EPHA7: variants seen among roughly 807,000 people sequenced by gnomAD.
EPHA7 encodes EPH receptor A7.
A neutral mutation model predicts 112.6 loss-of-function variants in EPHA7; 25 were observed. The ratio of observed to expected loss-of-function variants is 0.22; its 90% CI spans 0.16 to 0.31. EPHA7 has a LOEUF of 0.31. Ranked by LOEUF, EPHA7 falls within the 10% of genes least tolerant of loss-of-function variation. EPHA7 has a pLI of 1.00. For synonymous variants in EPHA7, 437 were observed against 406.5 expected, an observed-to-expected ratio of 1.07 and a Z score of -0.90; for missense variants, 962 against 1,212.6, an observed-to-expected ratio of 0.79 and a Z score of 3.07.
intron 5 of EPHA7, among the ~76,000 whole-genome samples, chr6:93,290,384 A>C (rs2127835218): frequency 6.6e-6 from 1 of 152,264 alleles, no homozygotes; most frequent in African/African-American, 2.4e-5. Flanking sequence ...ATATTCTCTA[A>C]AAATGAATTC....
intron 5 of EPHA7, among the ~76,000 whole-genome samples, chr6:93,346,362 G>C (rs1035286590): frequency 1.3e-5 from 2 of 151,658 alleles, no homozygotes; most frequent in African/African-American, 4.8e-5. Flanking sequence ...ATAACACTTA[G>C]AGAAATGGGC....
In EPHA7 at chr6:93,269,581, A is replaced by T. The variant is rs778224828; in HGVS notation, c.1529T>A (p.Val510Glu). ...ASINNLKPGT[V>E]YVFQIRAFTA... ...AAAAGCCCGAATCTGGAAAACATAC[A>T]CTGTTCCTGGTTTCAGATTATTAAT... The change falls in exon 7 of 17, where the codon GTG becomes GAG. Residue 510 changes from valine (V) to glutamate (E), a missense_variant. Around this residue, in one of 3 missense-constraint regions of EPHA7, gnomAD observed 746 missense variants for 889.2 expected, o/e 0.84. Transcript: ENST00000369303. The T allele has an allele frequency of 6.2e-7, 1 of 1,607,204 alleles. No homozygotes were observed. The highest frequency in any genetic ancestry group is 8.5e-7 in the Non-Finnish European group (1 of 1,176,560).
rs1582681413 is a variant in EPHA7 at position 93,405,671 on chromosome 6, G to A, written c.832+4830C>T. Reference sequence around the variant, plus strand: ...TTTATACTTAAGGAAATTAAGGTTTGGAGAGATTGTCCTACTTTATGCACC... The same window carrying A: ...TTTATACTTAAGGAAATTAAGGTTTAGAGAGATTGTCCTACTTTATGCACC... On this transcript the variant is annotated intron_variant, in intron 3 of 16. Transcript: ENST00000369303. Among the ~76,000 whole-genome samples, 8 of 151,104 alleles carry A rather than the reference G, an allele frequency of 5.3e-5. 1 individual carries two copies. In the South Asian group the frequency reaches 1.7e-3, roughly 32 times the overall value.
chr6:93,291,052 T>A (rs1384264499), intron 5 of EPHA7, among the ~76,000 whole-genome samples: 1 of 152,166 alleles, frequency 6.6e-6, no homozygotes, highest in African/African-American at 2.4e-5. Context: ...AAATCCGAAT[T>A]TTTCTTTAAA....
chr6:93,385,601 G>A (rs1369669262), intron 3 of EPHA7, among the ~76,000 whole-genome samples: 1 of 151,902 alleles, frequency 6.6e-6, no homozygotes, highest in Non-Finnish European at 1.5e-5. Flanking sequence ...TAATGAGACT[G>A]AAGAATGAGA....
intron 14 of EPHA7, among the ~76,000 whole-genome samples, chr6:93,251,773 C>T (rs904598910): frequency 6.6e-6 from 1 of 151,906 alleles, no homozygotes; most frequent in Non-Finnish European, 1.5e-5. Flanking sequence ...TTATATTTGA[C>T]TACATTTACA....
chr6:93,258,459 T>C (rs1482795855), intron 10 of EPHA7, among the ~76,000 whole-genome samples, 175 bp from the exon 11 acceptor site: 1 of 151,874 alleles, frequency 6.6e-6, no homozygotes, highest in African/African-American at 2.4e-5. Flanking sequence ...TACATTCCCA[T>C]ATATAGGGGA....
rs547156499 is a variant in EPHA7, at chr6:93,349,039, CT to C, written c.1324+7677del. 4.6e-5 allele frequency among the ~76,000 whole-genome samples: 7 copies of C among 151,828 alleles called. No homozygotes were observed. The South Asian group carries it at 1.5e-3, about 32-fold the overall frequency. On this transcript the variant is annotated intron_variant, in intron 5 of 16. Transcript: ENST00000369303. Reference sequence around the variant, plus strand: ...ATGATAAATTCGGAATGTGAAGATACTGTGCAAACATATGGGCCTTTACGTG... The same window carrying C: ...ATGATAAATTCGGAATGTGAAGATACGTGCAAACATATGGGCCTTTACGTG...
intron 3 of EPHA7, among the ~76,000 whole-genome samples, chr6:93,406,932 GT>G (rs1582684799): frequency 6.6e-6 from 1 of 151,732 alleles, no homozygotes; most frequent in Non-Finnish European, 1.5e-5. Flanking sequence ...TTGCATCAAA[GT>G]TGTTACATAA....
At chr6:93,290,687 T>C (rs984358628) in intron 5 of EPHA7, among the ~76,000 whole-genome samples, 5 of 152,172 alleles carry the variant, frequency 3.3e-5, no homozygotes, top group Non-Finnish European at 5.9e-5. Context: ...ATATACAAAC[T>C]ATAACCAAGG....
At chr6:93,306,717 A>C (rs1041641271) in intron 5 of EPHA7, among the ~76,000 whole-genome samples, 3 of 152,026 alleles carry the variant, frequency 2.0e-5, no homozygotes, top group African/African-American at 7.2e-5. Context: ...AAATGTGTAA[A>C]TAATACATCT....
chr6:93,323,042 G>A (rs1774153881), intron 5 of EPHA7, among the ~76,000 whole-genome samples: 1 of 151,596 alleles, frequency 6.6e-6, no homozygotes, highest in Non-Finnish European at 1.5e-5. Context: ...AAAAAAAGAT[G>A]TGAAAACTTT....
rs570388708 is a variant in EPHA7 at position 93,353,900 on chromosome 6, T to C, written c.1324+2817A>G. On this transcript the variant is annotated intron_variant, in intron 5 of 16. Transcript: ENST00000369303. Reference sequence around the variant, plus strand: ...CTCACACAAATACTGGTAAAGGGTCTTGTGCTCCAAACTCAAAACTTAACA... The same window carrying C: ...CTCACACAAATACTGGTAAAGGGTCCTGTGCTCCAAACTCAAAACTTAACA... Among the ~76,000 whole-genome samples, 4 of 152,216 alleles carry C rather than the reference T, an allele frequency of 2.6e-5. No homozygotes were observed. The East Asian group carries it at 7.7e-4, about 29-fold the overall frequency.
chr6:93,331,325 A>G (rs546186161), intron 5 of EPHA7, among the ~76,000 whole-genome samples: 19 of 151,428 alleles, frequency 1.3e-4, no homozygotes, highest in African/African-American at 4.3e-4. Context: ...ATCTTCAATA[A>G]TATCTTTCTT....
At position 93,243,264 on chromosome 6, in the gene EPHA7, GGC is replaced by G. The variant is rs947593964; in HGVS notation, c.*160_*161del. ...AAATTCCCTTTTTATATATTCTGGTGGCACTTAGGAGTTCAAGTCTATAGGTG... is the reference window on the plus strand; with the variant it reads ...AAATTCCCTTTTTATATATTCTGGTGACTTAGGAGTTCAAGTCTATAGGTG... On this transcript the variant is annotated 3_prime_UTR_variant, in exon 17 of 17. Coordinates refer to ENST00000369303, the MANE Select transcript of EPHA7 (RefSeq NM_004440.4). The G allele has an allele frequency of 6.4e-6, 3 of 470,798 alleles. No individual in the cohort carries two copies. Among genetic ancestry groups the G allele is most frequent in the Non-Finnish European group, 1.1e-5 (3 of 266,250 alleles). 29.2% of individuals were successfully genotyped at this position (470,798 alleles called of 1,614,324 possible). A position where few individuals can be genotyped will look rare whatever the true frequency, so the allele number is the denominator to read the frequency against.
At chr6:93,249,631 T>C (rs1431714742) in intron 14 of EPHA7, among the ~76,000 whole-genome samples, 1 of 152,136 alleles carries the variant, frequency 6.6e-6, no homozygotes, top group African/African-American at 2.4e-5. Flanking sequence ...GCTCATAACA[T>C]TAATTCAGTC....
intron 5 of EPHA7, among the ~76,000 whole-genome samples, chr6:93,332,087 G>A (rs1490218817): frequency 6.6e-6 from 1 of 151,494 alleles, no homozygotes; most frequent in Non-Finnish European, 1.5e-5. Flanking sequence ...CTTTTGATAA[G>A]ACTTTTAGTA....
At position 93,346,636 on chromosome 6, in the gene EPHA7, T is replaced by C. The variant is rs1775420062; in HGVS notation, c.1324+10081A>G. The stretch of plus-strand genomic sequence containing the variant: ...AGAAAAAGAGACTGTATTCAATATA[T>C]ATTTACCTAAGGTTATGCCCTGAAA... On this transcript the variant is annotated intron_variant, in intron 5 of 16. Transcript: ENST00000369303. 2.6e-5 allele frequency among the ~76,000 whole-genome samples: 4 copies of C among 151,958 alleles called. No individual in the cohort carries two copies. In the South Asian group the frequency reaches 8.3e-4, roughly 32 times the overall value.
At chr6:93,372,289 C>T (rs1016443752) in intron 3 of EPHA7, among the ~76,000 whole-genome samples, 2 of 152,060 alleles carry the variant, frequency 1.3e-5, no homozygotes, top group Non-Finnish European at 2.9e-5. Flanking sequence ...CTACCTATGG[C>T]ACAGCAAAAC....
Sources: gnomAD v4.1 joint callset for allele counts (sites outside exome capture counted in the v4.1 genomes callset) on GRCh38, gnomAD v4.1.1 for gene constraint, gnomAD v4.1.1 regional missense constraint, MANE v1.5 for transcripts, NCBI Gene and HGNC (gene_info 2026-07-23, HGNC 2026-07-21) for gene names.